The following NRG3 variants were observed in gnomAD, a reference collection of about 807,000 sequenced individuals.
The protein encoded by NRG3 is pro-neuregulin-3, membrane-bound isoform.
A neutral mutation model predicts 66.9 loss-of-function variants in NRG3; 31 were observed. The ratio of observed to expected loss-of-function variants is 0.46; its 90% CI spans 0.35 to 0.63. The LOEUF (loss-of-function observed/expected upper bound fraction) is 0.63. NRG3 is among the 20% of genes least tolerant of loss of function. The probability of loss-of-function intolerance (pLI) is 0.00; values close to 1 mark genes in which losing one functional copy is unlikely to be tolerated. For missense variants in NRG3, 910 were observed against 878.9 expected (o/e 1.04, Z -0.45); for synonymous variants, 393 against 359.4 (o/e 1.09, Z -1.06).
intron 4 of NRG3, among the ~76,000 whole-genome samples, chr10:82,947,392 G>T (rs1381453400): frequency 6.6e-6 from 1 of 152,008 alleles, no homozygotes; most frequent in Non-Finnish European, 1.5e-5. Flanking sequence ...AGTTTGGGGG[G>T]CTATTAAAAA....
intron 2 of NRG3, among the ~76,000 whole-genome samples, chr10:82,659,651 C>CCAA (rs1445082647): frequency 6.6e-6 from 1 of 151,838 alleles, no homozygotes; most frequent in African/African-American, 2.4e-5. Context: ...GACTCCGTCT[C>CCAA]CAGCAAAACA....
At chr10:82,225,394 A>T (rs1191101654) in intron 1 of NRG3, 1 of 152,230 alleles carries the variant, frequency 6.6e-6, no homozygotes, top group Non-Finnish European at 1.5e-5. Context: ...TCATGCACAT[A>T]GCACCTTGAT....
At chr10:82,455,554 G>T (rs1028971238) in intron 2 of NRG3, among the ~76,000 whole-genome samples, 4 of 152,044 alleles carry the variant, frequency 2.6e-5, no homozygotes, top group South Asian at 2.1e-4. Context: ...GAATGTGAAG[G>T]CCTGTTTACT....
chr10:82,540,110 T>A (rs113051766), intron 2 of NRG3, among the ~76,000 whole-genome samples: 1 of 151,408 alleles, frequency 6.6e-6, no homozygotes, highest in African/African-American at 2.4e-5. Context: ...GTAGGAGAAG[T>A]GGACTGCTGT....
intron 2 of NRG3, among the ~76,000 whole-genome samples, chr10:82,550,121 A>G (rs965069213): frequency 6.6e-6 from 1 of 152,212 alleles, no homozygotes; most frequent in African/African-American, 2.4e-5. Flanking sequence ...TTCAATGTGT[A>G]ATATGAACTC....
intron 1 of NRG3, among the ~76,000 whole-genome samples, chr10:82,356,229 C>T (rs575707688): frequency 2.0e-5 from 3 of 152,212 alleles, no homozygotes; most frequent in South Asian, 2.1e-4. Context: ...CATTGTATTG[C>T]ACTTGAAGTC....
intron 4 of NRG3, among the ~76,000 whole-genome samples, chr10:82,925,932 C>G (rs978320645): frequency 2.8e-4 from 43 of 152,164 alleles, no homozygotes; most frequent in Admixed American, 6.5e-5. Flanking sequence ...GGGCAGGCTG[C>G]CATGCATTTT....
chr10:82,145,302 A>G lies in NRG3; in HGVS notation c.824-213437A>G, dbSNP rs116939185. ...TCTTTCATAAATGTGTGAAAATTCA[A>G]ATAATTACCCTACTATTTGATGTCC... On this transcript the variant is annotated intron_variant, in intron 1 of 8. Coordinates refer to ENST00000372141, the MANE Select transcript of NRG3 (RefSeq NM_001010848.4). Among the ~76,000 whole-genome samples, 1,516 of 152,332 alleles carry G rather than the reference A, an allele frequency of 1.0e-2. 15 individuals are homozygous for G. Among genetic ancestry groups the G allele is most frequent in the Non-Finnish European group, 0.014 (981 of 68,032 alleles).
chr10:82,963,110 G>A (rs893245707), intron 6 of NRG3, among the ~76,000 whole-genome samples: 2 of 152,098 alleles, frequency 1.3e-5, no homozygotes, highest in African/African-American at 4.8e-5. Flanking sequence ...AGTACTATCA[G>A]AGAATGGAAA....
At chr10:82,651,655 C>T (rs1382717375) in intron 2 of NRG3, among the ~76,000 whole-genome samples, 1 of 152,182 alleles carries the variant, frequency 6.6e-6, no homozygotes, top group Non-Finnish European at 1.5e-5. Context: ...AATTTTCAAC[C>T]AAAGGTGATT....
intron 3 of NRG3, among the ~76,000 whole-genome samples, chr10:82,822,810 C>T (rs571540451): frequency 6.6e-6 from 1 of 152,172 alleles, no homozygotes; most frequent in South Asian, 2.1e-4. Context: ...AGAACCCAGA[C>T]AACTGAAGCT....
intron 1 of NRG3, among the ~76,000 whole-genome samples, chr10:82,138,425 A>C (rs1042463696): frequency 2.0e-5 from 3 of 152,180 alleles, no homozygotes; most frequent in Non-Finnish European, 4.4e-5. Flanking sequence ...AAAGCAAGCA[A>C]GACCATTTGG....
intron 1 of NRG3, among the ~76,000 whole-genome samples, chr10:82,345,874 T>C (rs2082986749): frequency 6.6e-6 from 1 of 151,456 alleles, no homozygotes; most frequent in South Asian, 2.1e-4. Context: ...TTATCTGTTG[T>C]TGGTGTATAA....
chr10:82,250,120 C>T (rs1227754676), intron 1 of NRG3, among the ~76,000 whole-genome samples: 1 of 152,106 alleles, frequency 6.6e-6, no homozygotes, highest in Non-Finnish European at 1.5e-5. Flanking sequence ...ACATTTGACA[C>T]TTTAGTAGTT....
intron 2 of NRG3, among the ~76,000 whole-genome samples, chr10:82,595,951 A>G (rs976610855): frequency 5.9e-5 from 9 of 152,346 alleles, no homozygotes; most frequent in African/African-American, 1.9e-4. Context: ...AAATGAGAAA[A>G]TAGTGCCAAT....
intron 1 of NRG3, among the ~76,000 whole-genome samples, chr10:82,083,039 C>G (rs916366659): frequency 6.6e-6 from 1 of 151,656 alleles, no homozygotes; most frequent in Non-Finnish European, 1.5e-5. Flanking sequence ...TTCCTGGACT[C>G]AAGCGATCCT....
At chr10:82,873,610 T>G (rs73309512) in intron 4 of NRG3, among the ~76,000 whole-genome samples, 9,532 of 152,242 alleles carry the variant, frequency 0.063, 506 homozygotes, top group African/African-American at 0.14. Flanking sequence ...TGTATCTCAT[T>G]AGGTCCTTTT....
chr10:82,774,910 C>T (rs2059852510), intron 3 of NRG3, among the ~76,000 whole-genome samples: 1 of 144,650 alleles, frequency 6.9e-6, no homozygotes, highest in African/African-American at 2.6e-5. Context: ...GCAACCTCTG[C>T]CTCCTGGTTT....
chr10:82,322,566 A>G (rs763361336), intron 1 of NRG3, among the ~76,000 whole-genome samples: 1 of 152,062 alleles, frequency 6.6e-6, no homozygotes, highest in African/African-American at 2.4e-5. Context: ...TGCTTTGCAG[A>G]CATTTAAAGT....
Sources: allele counts gnomAD v4.1 joint callset (sites outside exome capture counted in the v4.1 genomes callset), GRCh38; gene constraint gnomAD v4.1.1; transcripts MANE v1.5; gene names NCBI Gene and HGNC (gene_info 2026-07-23, HGNC 2026-07-21).